Variants in HS3ST2 observed in about 807,000 individuals in gnomAD.
HS3ST2 encodes the protein heparan sulfate-glucosamine 3-sulfotransferase 2, also known as heparan sulfate glucosamine 3-O-sulfotransferase 2.
In HS3ST2, 17 loss-of-function variants were observed where a neutral mutation model predicts 26.3. The ratio of observed to expected loss-of-function variants is 0.65; its 90% confidence interval spans 0.44 to 0.97. HS3ST2 has a LOEUF of 0.97. Among genes scored for constraint, HS3ST2 ranks in the 50% least tolerant of loss-of-function variants. The pLI, the probability that HS3ST2 is intolerant of heterozygous loss-of-function variation, is 0.00. For missense variants in HS3ST2, 402 were observed against 501.2 expected, an observed-to-expected ratio of 0.80 and a Z score of 1.89; for synonymous variants, 237 against 219.2, an observed-to-expected ratio of 1.08 and a Z score of -0.72.
intron 1 of HS3ST2, among the ~76,000 whole-genome samples, chr16:22,830,403 G>A (rs2283525): frequency 0.13 from 19,303 of 152,188 alleles, 1,330 homozygotes; most frequent in South Asian, 0.22. Flanking sequence ...AGGCTAAGAG[G>A]TGAGCAGGGG....
chr16:22,907,543 A>C (rs1902371498), intron 1 of HS3ST2, among the ~76,000 whole-genome samples: 1 of 152,202 alleles, frequency 6.6e-6, no homozygotes, highest in African/African-American at 2.4e-5. Context: ...TGGGGAGGTA[A>C]AACTTACAAG....
intron 1 of HS3ST2, among the ~76,000 whole-genome samples, chr16:22,865,784 T>C (rs916293732): frequency 1.3e-5 from 2 of 152,144 alleles, no homozygotes; most frequent in Non-Finnish European, 2.9e-5. Flanking sequence ...CAAAGATAAA[T>C]CTGCATTTAG....
chr16:22,852,331 A>G (rs951826187), intron 1 of HS3ST2, among the ~76,000 whole-genome samples: 3 of 152,174 alleles, frequency 2.0e-5, no homozygotes, highest in African/African-American at 7.2e-5. Flanking sequence ...GGAGGTTTTA[A>G]AATGTAGCAT....
At chr16:22,896,170 G>T (rs1902208014) in intron 1 of HS3ST2, among the ~76,000 whole-genome samples, 1 of 151,950 alleles carries the variant, frequency 6.6e-6, no homozygotes, top group Admixed American at 6.6e-5. Flanking sequence ...TTTATTTGGG[G>T]TTAGTGTTTG....
chr16:22,879,830 T>C (rs1901964052), intron 1 of HS3ST2, among the ~76,000 whole-genome samples: 1 of 152,160 alleles, frequency 6.6e-6, no homozygotes, highest in Admixed American at 6.5e-5. Context: ...CCAGAGAAGA[T>C]AAGGCAGTCA....
rs1902485560 is a variant in HS3ST2 at position 22,915,631 on chromosome 16, C to G, written c.*69C>G. On this transcript the variant is annotated 3_prime_UTR_variant, in exon 2 of 2. Coordinates refer to ENST00000261374, the MANE Select transcript of HS3ST2 (RefSeq NM_006043.2). ...CTTCCGTGAGATTTGCTCCCAGACC[C>G]TCTGATCTCCCTCCAACAAACCCTG... 1 of 1,499,944 alleles carries G rather than the reference C, an allele frequency of 6.7e-7. No individual in the cohort carries two copies. The highest frequency in any genetic ancestry group is 2.3e-5 in the East Asian group (1 of 44,140). 92.9% of individuals were successfully genotyped at this position (1,499,944 alleles called of 1,614,324 possible). A position where few individuals can be genotyped will look rare whatever the true frequency, so the allele number is the denominator to read the frequency against.
intron 1 of HS3ST2, among the ~76,000 whole-genome samples, chr16:22,876,147 T>A (rs1285739328): frequency 6.6e-6 from 1 of 151,886 alleles, no homozygotes; most frequent in Non-Finnish European, 1.5e-5. Flanking sequence ...ACCAGTCGAG[T>A]CAAGAGTCAG....
intron 1 of HS3ST2, among the ~76,000 whole-genome samples, chr16:22,863,627 G>A (rs369063234): frequency 2.1e-4 from 32 of 152,112 alleles, no homozygotes; most frequent in African/African-American, 3.9e-4. Flanking sequence ...CCATTTGTAT[G>A]TCCTGGGATG....
chr16:22,904,157 C>T (rs1302567324), intron 1 of HS3ST2, among the ~76,000 whole-genome samples: 1 of 152,100 alleles, frequency 6.6e-6, no homozygotes, highest in Non-Finnish European at 1.5e-5. Flanking sequence ...AGAAAGCTAC[C>T]ACTTCTCATA....
chr16:22,882,555 G>A (rs1192633151), intron 1 of HS3ST2, among the ~76,000 whole-genome samples: 18 of 151,886 alleles, frequency 1.2e-4, no homozygotes, highest in Admixed American at 9.2e-4. Flanking sequence ...CCAGCATGAC[G>A]AAACCCTGTC....
intron 1 of HS3ST2, among the ~76,000 whole-genome samples, chr16:22,911,965 T>C (rs1185128668): frequency 6.6e-6 from 1 of 151,952 alleles, no homozygotes; most frequent in African/African-American, 2.4e-5. Flanking sequence ...CTACAAAAAA[T>C]ACAAAAAATA....
chr16:22,876,437 TA>T (rs1362512448), intron 1 of HS3ST2, among the ~76,000 whole-genome samples: 1 of 152,142 alleles, frequency 6.6e-6, no homozygotes, highest in Non-Finnish European at 1.5e-5. Context: ...CATCATTTTT[TA>T]AAAAAATAAA....
chr16:22,912,442 G>A (rs1454141774), intron 1 of HS3ST2, among the ~76,000 whole-genome samples: 1 of 152,206 alleles, frequency 6.6e-6, no homozygotes. Context: ...GAGAATGAAT[G>A]TTCTGGGGGT....
chr16:22,838,988 C>T (rs1221056492), intron 1 of HS3ST2, among the ~76,000 whole-genome samples: 1 of 152,230 alleles, frequency 6.6e-6, no homozygotes, highest in Non-Finnish European at 1.5e-5. Context: ...CACAAGCCAA[C>T]ACTGTTTCCC....
At chr16:22,874,444 C>G (rs982286164) in intron 1 of HS3ST2, among the ~76,000 whole-genome samples, 1 of 152,188 alleles carries the variant, frequency 6.6e-6, no homozygotes, top group Admixed American at 6.5e-5. Context: ...AGGCTTCCAG[C>G]AAAGCCTAGA....
chr16:22,895,601 G>A lies in HS3ST2; in HGVS notation c.486-19343G>A, dbSNP rs150880473. Among the ~76,000 whole-genome samples, 175 of 152,046 alleles carry A rather than the reference G, an allele frequency of 1.2e-3. 5 individuals are homozygous for A. The highest frequency in any genetic ancestry group is 4.0e-3 in the African/African-American group (164 of 41,470). Reference sequence around the variant, plus strand: ...TGGTCGTATGAACACAAATGTTCTCGTTGTTGTCATTTTGAAAATTATGGT... The same window carrying A: ...TGGTCGTATGAACACAAATGTTCTCATTGTTGTCATTTTGAAAATTATGGT... On this transcript the variant is annotated intron_variant, in intron 1 of 1. Transcript: ENST00000261374.
Position 22,914,979 on chromosome 16 carries a change from C to T in HS3ST2, c.521C>T (p.Thr174Met), listed in dbSNP as rs1902473908. Reference protein sequence around the residue: ...LMPRTLESQITLEKTPSYFVT... With the variant: ...LMPRTLESQIMLEKTPSYFVT... Reference sequence around the variant, plus strand: ...CCCAGGACCCTCGAGAGCCAGATCACGCTGGAGAAGACGCCCAGCTACTTT... The same window carrying T: ...CCCAGGACCCTCGAGAGCCAGATCATGCTGGAGAAGACGCCCAGCTACTTT... The change falls in exon 2 of 2, where the codon ACG (threonine) becomes ATG (methionine). Residue 174 changes from threonine to methionine, a missense_variant. Physicochemically the swap from Thr to Met is moderately conservative, Grantham distance 81 (BLOSUM62 -1). This residue lies in a region of HS3ST2 where 237 missense variants were observed against 346.6 expected (regional missense o/e 0.68). Coordinates refer to ENST00000261374, the MANE Select transcript of HS3ST2 (RefSeq NM_006043.2). 5 of 1,613,652 alleles carry T rather than the reference C, an allele frequency of 3.1e-6. No individual in the cohort carries two copies. The highest frequency in any genetic ancestry group is 3.4e-6 in the Non-Finnish European group (4 of 1,179,936).
chr16:22,885,482 A>G (rs866155698), intron 1 of HS3ST2, among the ~76,000 whole-genome samples: 83 of 151,136 alleles, frequency 5.5e-4, no homozygotes, highest in African/African-American at 2.0e-3. Flanking sequence ...TTGAGACAGA[A>G]TCTCACTCTG....
intron 1 of HS3ST2, among the ~76,000 whole-genome samples, chr16:22,832,921 A>T (rs1880136334): frequency 6.6e-6 from 1 of 151,832 alleles, no homozygotes; most frequent in Admixed American, 6.6e-5. Context: ...GAGCCAACTC[A>T]GCAAGGACCA....
Sources: allele counts gnomAD v4.1 joint callset (sites outside exome capture counted in the v4.1 genomes callset), GRCh38; gene constraint gnomAD v4.1.1; regional missense constraint gnomAD v4.1.1; transcripts MANE v1.5; gene names NCBI Gene and HGNC (gene_info 2026-07-23, HGNC 2026-07-21).